Variants in ROBO2 observed in about 807,000 individuals in gnomAD.
ROBO2 encodes the protein roundabout homolog 2.
A neutral mutation model predicts 160.8 loss-of-function variants in ROBO2; 53 were observed. The ratio of observed to expected loss-of-function variants is 0.33; its 90% confidence interval spans 0.26 to 0.41. ROBO2 has a LOEUF of 0.41. Ranked by LOEUF, ROBO2 falls within the 10% of genes least tolerant of loss-of-function variation. The probability of loss-of-function intolerance (pLI) is 1.00; values close to 1 mark genes in which losing one functional copy is unlikely to be tolerated. For missense variants in ROBO2, 1,577 were observed against 1,722.4 expected, an observed-to-expected ratio of 0.92 and a Z score of 1.49; for synonymous variants, 664 against 611.7, an observed-to-expected ratio of 1.09 and a Z score of -1.26.
intron 2 of ROBO2, among the ~76,000 whole-genome samples, chr3:77,372,480 T>TG (rs1352236174): frequency 6.6e-6 from 1 of 152,134 alleles, no homozygotes; most frequent in Non-Finnish European, 1.5e-5. Flanking sequence ...ATACTAAAGC[T>TG]GAAAATTTTT....
chr3:77,202,306 T>C (rs1429569826), intron 2 of ROBO2, among the ~76,000 whole-genome samples: 1 of 152,222 alleles, frequency 6.6e-6, no homozygotes, highest in Non-Finnish European at 1.5e-5. Flanking sequence ...ACAACACTTC[T>C]ACCTCATGAT....
chr3:76,796,866 T>C (rs1330923818), intron 2 of ROBO2, among the ~76,000 whole-genome samples: 1 of 151,800 alleles, frequency 6.6e-6, no homozygotes, highest in African/African-American at 2.4e-5. Flanking sequence ...CCTTATATAA[T>C]TATAAGGGGA....
intron 2 of ROBO2, among the ~76,000 whole-genome samples, chr3:76,761,881 G>A (rs561277958): frequency 2.0e-5 from 3 of 151,810 alleles, no homozygotes; most frequent in Non-Finnish European, 4.4e-5. Flanking sequence ...TGTAAGAATT[G>A]AGGTATTGTA....
At chr3:77,207,469 A>C (rs2083583339) in intron 2 of ROBO2, among the ~76,000 whole-genome samples, 1 of 152,284 alleles carries the variant, frequency 6.6e-6, no homozygotes, top group Middle Eastern at 3.4e-3. Context: ...CATTAACTTA[A>C]GGTTTTTGCT....
chr3:76,049,403 A>ATATATTTTTTTTTTT (rs1414664360), intron 2 of ROBO2, among the ~76,000 whole-genome samples: 2 of 53,752 alleles, frequency 3.7e-5, no homozygotes, highest in African/African-American at 2.9e-4. Flanking sequence ...ATATATATAT[A>ATATATTTTTTTTTTT]TTTTTTTTTT....
At chr3:76,603,032 G>A (rs756761357) in intron 2 of ROBO2, among the ~76,000 whole-genome samples, 1 of 151,854 alleles carries the variant, frequency 6.6e-6, no homozygotes, top group Non-Finnish European at 1.5e-5. Context: ...ATCATTCTTT[G>A]TTAAAAATAT....
At chr3:76,744,427 A>G (rs1057274053) in intron 2 of ROBO2, among the ~76,000 whole-genome samples, 4 of 151,780 alleles carry the variant, frequency 2.6e-5, no homozygotes, top group African/African-American at 9.7e-5. Flanking sequence ...TGGCACAATC[A>G]TAGCTCACTA....
chr3:77,574,387 C>A, intron 13 of ROBO2, 112 bp from the exon 15 acceptor site: 1 of 856,428 alleles, frequency 1.2e-6, no homozygotes, highest in Non-Finnish European at 1.9e-6. Flanking sequence ...CATGACATCA[C>A]TCAGTTGATA....
intron 2 of ROBO2, among the ~76,000 whole-genome samples, chr3:76,124,849 A>T (rs2070906398): frequency 6.6e-6 from 1 of 152,142 alleles, no homozygotes. Context: ...TTAATTTTTT[A>T]AAAATATTTC....
chr3:76,521,142 G>A (rs951234349), intron 2 of ROBO2, among the ~76,000 whole-genome samples: 1 of 146,574 alleles, frequency 6.8e-6, no homozygotes, highest in Non-Finnish European at 1.5e-5. Flanking sequence ...TTTGCCTTTC[G>A]GGTTCAAGCA....
chr3:76,435,353 C>T, intron 2 of ROBO2: 1 of 800,732 alleles, frequency 1.2e-6, no homozygotes, highest in South Asian at 1.3e-5. Flanking sequence ...TTAATGAATT[C>T]CCAGTTCTTG....
rs145367517 is a variant in ROBO2 at position 77,193,694 on chromosome 3, T to G, written c.388+95354T>G. Among the ~76,000 whole-genome samples, 268 of 152,184 alleles carry G rather than the reference T, an allele frequency of 1.8e-3. 3 individuals are homozygous for G. Among genetic ancestry groups the G allele is most frequent in the African/African-American group, 6.1e-3 (252 of 41,506 alleles). On this transcript the variant is annotated intron_variant, in intron 2 of 25. Coordinates refer to ENST00000461745, the Ensembl canonical transcript of ROBO2. ...ACCTAATCAGCACAGGGAAATAAAA[T>G]TATATCATCCCTCTGGTTTAAGAAT... is the stretch of plus-strand genomic sequence containing the variant.
intron 2 of ROBO2, among the ~76,000 whole-genome samples, chr3:76,044,635 A>C (rs2067390027): frequency 6.6e-6 from 1 of 152,030 alleles, no homozygotes; most frequent in South Asian, 2.1e-4. Flanking sequence ...GGGATTAAAC[A>C]GTGACCAAAA....
At chr3:77,524,500 C>A (rs925470788) in intron 6 of ROBO2, among the ~76,000 whole-genome samples, 13 of 151,318 alleles carry the variant, frequency 8.6e-5, no homozygotes, top group Admixed American at 7.9e-4. Flanking sequence ...TAATAAACAA[C>A]CAACCAATAA....
rs138599478 is a variant in ROBO2 at position 76,238,913 on chromosome 3, G to A, written c.109+301311G>A. 8.2e-4 allele frequency among the ~76,000 whole-genome samples: 125 copies of A among 152,298 alleles called. No individual in the cohort carries two copies. The Middle Eastern group carries it at 0.014, about 17-fold the overall frequency. Reference sequence around the variant, plus strand: ...CTTTTAGAGAGTAGATTGTAGAAGAGTGAAAAAATAAAGGCAGAGAGACCA... The same window carrying A: ...CTTTTAGAGAGTAGATTGTAGAAGAATGAAAAAATAAAGGCAGAGAGACCA... On this transcript the variant is annotated intron_variant, in intron 2 of 26. Coordinates refer to the ROBO2 transcript ENST00000487694.
intron 2 of ROBO2, among the ~76,000 whole-genome samples, chr3:76,373,618 G>A (rs1228050364): frequency 2.0e-5 from 3 of 151,920 alleles, no homozygotes; most frequent in African/African-American, 7.2e-5. Context: ...GTTCACTTCT[G>A]TATTTCCAGT....
upstream of ROBO2, among the ~76,000 whole-genome samples, chr3:77,035,586 A>G (rs553412116): frequency 1.1e-3 from 166 of 152,092 alleles, 1 homozygote; most frequent in Middle Eastern, 3.4e-3. Context: ...CATGTAATAT[A>G]CCAAAAATGC....
intron 2 of ROBO2, among the ~76,000 whole-genome samples, chr3:77,151,136 A>G (rs2077518224): frequency 1.3e-5 from 2 of 152,296 alleles, no homozygotes; most frequent in South Asian, 4.1e-4. Context: ...AAAAGAATGG[A>G]CAAAGATGTA....
intron 2 of ROBO2, among the ~76,000 whole-genome samples, chr3:77,459,899 G>A (rs2082062403): frequency 6.7e-6 from 1 of 148,448 alleles, no homozygotes; most frequent in Admixed American, 6.7e-5. Flanking sequence ...TTGTAGGCCA[G>A]GATAAGGATT....
Sources: gnomAD v4.1 joint callset for allele counts (sites outside exome capture counted in the v4.1 genomes callset) on GRCh38, gnomAD v4.1.1 for gene constraint, MANE v1.5 for transcripts, NCBI Gene and HGNC (gene_info 2026-07-23, HGNC 2026-07-21) for gene names.